GIPC2: variants seen among roughly 807,000 people sequenced by gnomAD.
GIPC2 encodes PDZ domain-containing protein GIPC2.
In GIPC2, 30 loss-of-function variants were observed where a neutral mutation model predicts 30.6. The observed-to-expected ratio is 0.98, with a 90% CI of 0.73 to 1.33. GIPC2 has a LOEUF of 1.33. GIPC2 is among the 40% of genes most tolerant of loss of function. The probability of loss-of-function intolerance (pLI) is 0.00; values close to 1 mark genes in which losing one functional copy is unlikely to be tolerated. For synonymous variants in GIPC2, 167 were observed against 150.0 expected, an observed-to-expected ratio of 1.11 and a Z score of -0.83; for missense variants, 414 against 390.3, an observed-to-expected ratio of 1.06 and a Z score of -0.51.
rs185870485 is a variant in GIPC2 at position 78,078,018 on chromosome 1, C to A, written c.241-2657C>A. 6.1e-4 allele frequency among the ~76,000 whole-genome samples: 93 copies of A among 151,390 alleles called. 1 individual carries two copies. The East Asian group carries it at 0.018, about 29-fold the overall frequency. On this transcript the variant is annotated intron_variant, in intron 1 of 5. Transcript: ENST00000370759. ...CCCGGCTAAAACGGTGAAACCCCGT[C>A]TCTACTAAAAATACAAAAAATTAGC...
rs563972717 is a variant in GIPC2 at position 78,046,168 on chromosome 1, C to T, written c.74C>T (p.Thr25Met). 9.4e-5 allele frequency: 147 copies of T among 1,559,568 alleles called. 1 individual carries two copies. In the South Asian group the frequency reaches 1.6e-3, roughly 17 times the overall value. Residue 25 changes from threonine to methionine, a missense_variant, in exon 1 of 6, where the codon ACG (threonine) becomes ATG (methionine). Coordinates refer to ENST00000370759, the MANE Select transcript of GIPC2 (RefSeq NM_017655.6). ...GCCGGGCTGGTGGAGGGCGAGCCGACGGGCGCGGGCGGCGGGAGCCTCTCA... is the reference window on the plus strand; with the variant it reads ...GCCGGGCTGGTGGAGGGCGAGCCGATGGGCGCGGGCGGCGGGAGCCTCTCA... ...ETAGLVEGEP[T>M]GAGGGSLSAS...
intron 3 of GIPC2, among the ~76,000 whole-genome samples, chr1:78,117,099 C>T (rs1375398980): frequency 6.6e-6 from 1 of 152,174 alleles, no homozygotes; most frequent in Non-Finnish European, 1.5e-5. Context: ...ATCTACTCAT[C>T]TGACAAAGGG....
rs757371953 is a variant in GIPC2 at position 78,123,259 on chromosome 1, C to CAAAAA, written c.715-2607_715-2603dup. ...TGGGTGACAGAGTGAGACTCCATCT[C>CAAAAA]AAAAAAAAAAAAAAAAAAAGGGTCA... On this transcript the variant is annotated intron_variant, in intron 4 of 5. Coordinates refer to ENST00000370759, the MANE Select transcript of GIPC2 (RefSeq NM_017655.6). 2.0e-3 allele frequency among the ~76,000 whole-genome samples: 104 copies of CAAAAA among 52,046 alleles called. 3 individuals are homozygous for CAAAAA. The highest frequency in any genetic ancestry group is 6.7e-3 in the African/African-American group (82 of 12,278). The allele number at this position is 52,046 out of a possible 152,430, so 34.1% of individuals were successfully genotyped here. A position where few individuals can be genotyped will look rare whatever the true frequency, so the allele number is the denominator to read the frequency against.
In GIPC2 at chr1:78,105,553, TG is replaced by T. The variant is rs1199018185; in HGVS notation, c.607+10424del. Among the ~76,000 whole-genome samples the T allele has an allele frequency of 7.2e-5, 11 of 152,282 alleles. No individual in the cohort carries two copies. In the East Asian group the frequency reaches 2.1e-3, roughly 29 times the overall value. On this transcript the variant is annotated intron_variant, in intron 3 of 5. Coordinates refer to ENST00000370759, the MANE Select transcript of GIPC2 (RefSeq NM_017655.6). ...CGCCCACCTCGGCCTCCCAAAGTGC[TG>T]GGATTACAGGCATGAGCCACCTTGC...
chr1:78,083,543 A>G lies in GIPC2; in HGVS notation c.426+2683A>G, dbSNP rs565612000. ...GAAAATACCCTGTTTTCTTACTTGC[A>G]TGGCACAAATTTAGTATCTGTTGAT... On this transcript the variant is annotated intron_variant, in intron 2 of 5. Coordinates refer to ENST00000370759, the MANE Select transcript of GIPC2 (RefSeq NM_017655.6). Among the ~76,000 whole-genome samples, 14 of 152,272 alleles carry G rather than the reference A, an allele frequency of 9.2e-5. No homozygotes were observed. The South Asian group carries it at 2.5e-3, about 27-fold the overall frequency.
intron 1 of GIPC2, among the ~76,000 whole-genome samples, chr1:78,078,200 A>C (rs962896137): frequency 1.3e-5 from 2 of 151,360 alleles, no homozygotes; most frequent in Non-Finnish European, 1.5e-5. Context: ...AAAAAAAAAA[A>C]AAAAAAAAAA....
chr1:78,109,826 G>A (rs1409657923), intron 3 of GIPC2, among the ~76,000 whole-genome samples: 1 of 152,088 alleles, frequency 6.6e-6, no homozygotes, highest in African/African-American at 2.4e-5. Flanking sequence ...AGAAAATGTG[G>A]CACATATACA....
chr1:78,047,927 T>G (rs1295194910), intron 1 of GIPC2, among the ~76,000 whole-genome samples: 1 of 152,240 alleles, frequency 6.6e-6, no homozygotes, highest in African/African-American at 2.4e-5. Flanking sequence ...CCTAAGCTAG[T>G]GAGCTTGTTA....
chr1:78,047,776 G>A (rs1037145591), intron 1 of GIPC2, among the ~76,000 whole-genome samples: 1 of 152,114 alleles, frequency 6.6e-6, no homozygotes, highest in African/African-American at 2.4e-5. Flanking sequence ...TTTATGGTTA[G>A]GGCTTAATAC....
In GIPC2 at chr1:78,053,763, A is replaced by C. The variant is rs1661238662; in HGVS notation, c.240+7429A>C. On this transcript the variant is annotated intron_variant, in intron 1 of 5. Transcript: ENST00000370759. ...TGCCTCTTAAAAAAAAAAAAAAAAAAAAGCCAAAAAAAAAAAAATTAGCCA... is the reference window on the plus strand; with the variant it reads ...TGCCTCTTAAAAAAAAAAAAAAAAACAAGCCAAAAAAAAAAAAATTAGCCA... 2.9e-5 allele frequency among the ~76,000 whole-genome samples: 4 copies of C among 136,958 alleles called. No homozygotes were observed. The South Asian group carries it at 9.2e-4, about 31-fold the overall frequency. The allele number at this position is 136,958 out of a possible 152,430, so 89.8% of individuals were successfully genotyped here. A position where few individuals can be genotyped will look rare whatever the true frequency, so the allele number is the denominator to read the frequency against.
rs1557522803 is a variant in GIPC2, at chr1:78,046,333, A to C, written c.239A>C (p.Glu80Ala). Reference protein sequence around the residue: ...IAGAFEISPSEILYCTLNTPK... With the variant: ...IAGAFEISPSAILYCTLNTPK... ...GGCGCGTTTGAAATCTCGCCGTCGG[A>C]GGTAAGGCGCCAGGTGCTCAGGCTC... The change falls in exon 1 of 6, where the codon GAG becomes GCG. Residue 80 changes from glutamate to alanine, a missense_variant and splice_region_variant. Coordinates refer to ENST00000370759, the MANE Select transcript of GIPC2 (RefSeq NM_017655.6). 1 of 1,608,852 alleles carries C rather than the reference A, an allele frequency of 6.2e-7. No homozygotes were observed.
At chr1:78,085,959 T>C (rs1661921539) in intron 2 of GIPC2, among the ~76,000 whole-genome samples, 1 of 150,948 alleles carries the variant, frequency 6.6e-6, no homozygotes, top group African/African-American at 2.4e-5. Flanking sequence ...TGTCTTCTGC[T>C]AACTTTGGGG....
intron 1 of GIPC2, among the ~76,000 whole-genome samples, chr1:78,049,858 G>A (rs1661162133): frequency 6.7e-6 from 1 of 149,926 alleles, no homozygotes; most frequent in African/African-American, 2.5e-5. Flanking sequence ...CTTGGTAGCT[G>A]CATTCAAATT....
Position 78,137,494 on chromosome 1 carries a change from A to T in GIPC2, c.*1751A>T, listed in dbSNP as rs1005637226. On this transcript the variant is annotated 3_prime_UTR_variant, in exon 6 of 6. Transcript: ENST00000370759. ...GTCAGTTTCTCCTTCCTTTTTGGGC[A>T]TGCATAAAGACACACTTGGTGCTGA... 2 of 152,194 alleles carry T rather than the reference A, an allele frequency of 1.3e-5. No homozygotes were observed. The highest frequency in any genetic ancestry group is 4.8e-5 in the African/African-American group (2 of 41,452). 9.4% of individuals were successfully genotyped at this position (152,194 alleles called of 1,614,324 possible). A position where few individuals can be genotyped will look rare whatever the true frequency, so the allele number is the denominator to read the frequency against.
At chr1:78,069,629 A>T (rs574863448) in intron 1 of GIPC2, among the ~76,000 whole-genome samples, 5 of 151,592 alleles carry the variant, frequency 3.3e-5, no homozygotes, top group Admixed American at 2.0e-4. Flanking sequence ...ACCTGCCACC[A>T]CACCTGGCTA....
intron 3 of GIPC2, among the ~76,000 whole-genome samples, chr1:78,110,240 T>C (rs1662442305): frequency 6.6e-6 from 1 of 151,616 alleles, no homozygotes; most frequent in Non-Finnish European, 1.5e-5. Context: ...AGAGGGAACC[T>C]CTATACCTTG....
At position 78,053,767 on chromosome 1, in the gene GIPC2, C is replaced by CA. The variant is rs1370441660; in HGVS notation, c.240+7433_240+7434insA. On this transcript the variant is annotated intron_variant, in intron 1 of 5. Transcript: ENST00000370759. ...TCTTAAAAAAAAAAAAAAAAAAAAG[C>CA]CAAAAAAAAAAAAATTAGCCAGAGG... 6.9e-4 allele frequency among the ~76,000 whole-genome samples: 66 copies of CA among 96,034 alleles called. 1 individual carries two copies. The highest frequency in any genetic ancestry group is 1.5e-3 in the Non-Finnish European group (58 of 39,378). 63.0% of individuals were successfully genotyped at this position (96,034 alleles called of 152,430 possible).
chr1:78,078,253 T>C (rs1157407346), intron 1 of GIPC2, among the ~76,000 whole-genome samples: 1 of 146,348 alleles, frequency 6.8e-6, no homozygotes, highest in Non-Finnish European at 1.5e-5. Context: ...AAATATAAAA[T>C]CTTTGAGGAT....
chr1:78,101,591 T>C (rs1349888334), intron 3 of GIPC2, among the ~76,000 whole-genome samples: 3 of 152,332 alleles, frequency 2.0e-5, no homozygotes, highest in African/African-American at 7.2e-5. Flanking sequence ...AATGACTCCC[T>C]TGTTGAAAGT....
Sources: gnomAD v4.1 joint callset for allele counts (sites outside exome capture counted in the v4.1 genomes callset) on GRCh38, gnomAD v4.1.1 for gene constraint, MANE v1.5 for transcripts, NCBI Gene and HGNC (gene_info 2026-07-23, HGNC 2026-07-21) for gene names.